TTF2: variants seen among roughly 807,000 people sequenced by gnomAD.
TTF2 encodes the protein transcription termination factor 2, also known as RNA polymerase II termination factor.
A neutral mutation model predicts 142.4 loss-of-function variants in TTF2; 108 were observed. The ratio of observed to expected loss-of-function variants is 0.76; its 90% CI spans 0.65 to 0.89. The LOEUF (loss-of-function observed/expected upper bound fraction) is 0.89. Ranked by LOEUF, TTF2 falls within the 40% of genes least tolerant of loss-of-function variation. The pLI is 0.00. For synonymous variants in TTF2, 483 were observed against 506.2 expected (o/e 0.95, Z 0.61); for missense variants, 1,327 against 1,379.8 (o/e 0.96, Z 0.61).
In TTF2 at chr1:117,086,347, TC is replaced by T. The variant is rs1648009093; in HGVS notation, c.2055-69del. The T allele has an allele frequency of 2.6e-6, 3 of 1,149,118 alleles. No individual in the cohort carries two copies. The highest frequency in any genetic ancestry group is 3.9e-6 in the Non-Finnish European group (3 of 772,554). 71.2% of individuals were successfully genotyped at this position (1,149,118 alleles called of 1,614,324 possible). A position where few individuals can be genotyped will look rare whatever the true frequency, so the allele number is the denominator to read the frequency against. On this transcript the variant is annotated intron_variant, in intron 11 of 22. Coordinates refer to ENST00000369466, the MANE Select transcript of TTF2 (RefSeq NM_003594.4). This position sits in a 1 kb window ranked among gnomAD's most constrained non-coding sequence, Gnocchi z 4.2. Reference sequence around the variant, plus strand: ...ATTTGTAGGCATTTTTATTGAAAGATCAACTCTGCCTCTCTCATTGTCCCTC... The same window carrying T: ...ATTTGTAGGCATTTTTATTGAAAGATAACTCTGCCTCTCTCATTGTCCCTC...
chr1:117,060,779 C>T (rs903918986), intron 2 of TTF2, among the ~76,000 whole-genome samples: 3 of 152,220 alleles, frequency 2.0e-5, no homozygotes, highest in African/African-American at 7.2e-5. Flanking sequence ...ACCCCCCTCT[C>T]TGGGCCGATG....
rs1195744617 is a variant in TTF2 at position 117,075,149 on chromosome 1, T to A, written c.565T>A (p.Ser189Thr). 1.2e-6 allele frequency: 2 copies of A among 1,613,920 alleles called. No homozygotes were observed. Among genetic ancestry groups the A allele is most frequent in the Non-Finnish European group, 1.7e-6 (2 of 1,179,984 alleles). The change falls in exon 5 of 23, where the codon TCT becomes ACT. Residue 189 changes from serine (S) to threonine (T), a missense_variant. Coordinates refer to ENST00000369466, the MANE Select transcript of TTF2 (RefSeq NM_003594.4). This position sits in a 1 kb window ranked among gnomAD's most constrained non-coding sequence, Gnocchi z 4.5. Reference protein sequence around the residue: ...SSGLVPKKKQSVVQEKKQEEG... With the variant: ...SSGLVPKKKQTVVQEKKQEEG... The stretch of plus-strand genomic sequence containing the variant: ...TGGCCTGGTACCAAAGAAAAAACAA[T>A]CTGTAGTTCAAGAGAAGAAGCAAGA...
At chr1:117,062,338 A>G (rs1655746620) in intron 2 of TTF2, 49 bp from the exon 3 acceptor site, 1 of 1,558,370 alleles carries the variant, frequency 6.4e-7, no homozygotes, top group Non-Finnish European at 8.8e-7. Context: ...TAGGATATTG[A>G]TCTCTGTTCC....
rs1441362026 is a variant in TTF2, at chr1:117,100,959, C to T, written c.3345-421C>T. On this transcript the variant is annotated intron_variant, in intron 22 of 22. Transcript: ENST00000369466. This position sits in a 1 kb window ranked among gnomAD's most constrained non-coding sequence, Gnocchi z 4.6. ...ATGAGTGAATGAATGACAACAGTGC[C>T]ATTTACTTGGTTTGAAAACCCTGTT... 1.3e-5 allele frequency among the ~76,000 whole-genome samples: 2 copies of T among 152,140 alleles called. No individual in the cohort carries two copies. Among genetic ancestry groups the T allele is most frequent in the Non-Finnish European group, 2.9e-5 (2 of 68,040 alleles).
At chr1:117,091,266 A>G (rs1648551177) in intron 15 of TTF2, 62 bp from the exon 16 acceptor site, 1 of 1,399,676 alleles carries the variant, frequency 7.1e-7, no homozygotes, top group Non-Finnish European at 9.7e-7. Context: ...CACTGCAGGC[A>G]CAGTTAAGCA....
At position 117,101,505 on chromosome 1, in the gene TTF2, G is replaced by A. The variant is rs755262370; in HGVS notation, c.3470G>A (p.Arg1157Lys). 19 of 1,593,940 alleles carry A rather than the reference G, an allele frequency of 1.2e-5. No homozygotes were observed. The highest frequency in any genetic ancestry group is 3.3e-4 in the Middle Eastern group (2 of 5,976). ...ACCAAGCTCACCTTGGCTGACCTCA[G>A]AGTCCTTTTTGGCATCTAACCTCCT... ...SVTKLTLADL[R>K]VLFGI The change falls in exon 23 of 23, where the codon AGA becomes AAA. Residue 1157 changes from arginine (R) to lysine (K), a missense_variant. Arg to Lys is a conservative substitution (Grantham distance 26, BLOSUM62 2). Coordinates refer to ENST00000369466, the MANE Select transcript of TTF2 (RefSeq NM_003594.4). This position sits in a 1 kb window ranked among gnomAD's most constrained non-coding sequence, Gnocchi z 5.9.
At chr1:117,094,594 A>G (rs1196885388) in intron 18 of TTF2, 1 of 472,268 alleles carries the variant, frequency 2.1e-6, no homozygotes, top group Non-Finnish European at 4.4e-6. Flanking sequence ...CAACATTTGG[A>G]GCAGGCCATA....
chr1:117,096,077 G>A (rs1348232577), intron 19 of TTF2, 72 bp from the exon 20 acceptor site: 3 of 1,538,408 alleles, frequency 2.0e-6, no homozygotes, highest in Non-Finnish European at 2.7e-6. Context: ...GAATGATGAG[G>A]GCATTAAAGC....
Position 117,099,543 on chromosome 1 carries a change from A to G in TTF2, c.3344+636A>G, listed in dbSNP as rs982663566. 3.4e-4 allele frequency among the ~76,000 whole-genome samples: 52 copies of G among 152,208 alleles called. No homozygotes were observed. Among genetic ancestry groups the G allele is most frequent in the African/African-American group, 1.2e-3 (49 of 41,456 alleles). On this transcript the variant is annotated intron_variant, in intron 22 of 22. Coordinates refer to ENST00000369466, the MANE Select transcript of TTF2 (RefSeq NM_003594.4). The surrounding 1 kb of genome is among the most constrained non-coding windows in gnomAD (Gnocchi z 4.3). The stretch of plus-strand genomic sequence containing the variant: ...ATAAGTTTGTCTCCTTTGATCTGGA[A>G]CAGTACCCAGTCTTTGTGTTTTATG...
intron 12 of TTF2, 43 bp from the exon 13 acceptor site, chr1:117,088,758 A>G (rs759334171): frequency 1.0e-5 from 16 of 1,597,496 alleles, no homozygotes; most frequent in South Asian, 2.3e-5. Context: ...GGACATGTAC[A>G]TTTTCCCATA....
At chr1:117,066,725 C>CA (rs1387307803) in intron 3 of TTF2, among the ~76,000 whole-genome samples, 27 of 122,934 alleles carry the variant, frequency 2.2e-4, no homozygotes, top group Admixed American at 7.5e-4. Context: ...TTTTAAAAGA[C>CA]AGAGTCTTGC....
chr1:117,089,135 T>G (rs2101119156), intron 13 of TTF2, among the ~76,000 whole-genome samples, 153 bp downstream of exon 13: 1 of 149,834 alleles, frequency 6.7e-6, no homozygotes, highest in Non-Finnish European at 1.5e-5. Context: ...AGAATAAATA[T>G]TTATGAGAAA....
At chr1:117,067,304 G>A (rs941578236) in intron 3 of TTF2, among the ~76,000 whole-genome samples, 2 of 152,024 alleles carry the variant, frequency 1.3e-5, no homozygotes, top group African/African-American at 2.4e-5. Flanking sequence ...GGCCAAGGCC[G>A]GCGGATCACT....
rs772743484 is a variant in TTF2 at position 117,090,027 on chromosome 1, T to C, written c.2343-28T>C. 2 of 1,608,110 alleles carry C rather than the reference T, an allele frequency of 1.2e-6. No individual in the cohort carries two copies. Among genetic ancestry groups the C allele is most frequent in the South Asian group, 2.2e-5 (2 of 90,080 alleles). On this transcript the variant is annotated intron_variant, in intron 13 of 22. Coordinates refer to ENST00000369466, the MANE Select transcript of TTF2 (RefSeq NM_003594.4). This position sits in a 1 kb window ranked among gnomAD's most constrained non-coding sequence, Gnocchi z 4.8. ...TTCTCCCTGACTTTTCCTTCCCTAC[T>C]CTGTGCCCTTCTTCCTCAACAAAAA...
In TTF2 at chr1:117,066,341, C is replaced by T. The variant is rs190907670; in HGVS notation, c.218+3868C>T. 2.6e-5 allele frequency among the ~76,000 whole-genome samples: 4 copies of T among 152,192 alleles called. No individual in the cohort carries two copies. In the East Asian group the frequency reaches 7.7e-4, roughly 29 times the overall value. ...TTCTCTTAAGTGAGAGGTGATGGGC[C>T]TGAATTGAAGTAGCAGCAGTGGAAT... is the stretch of plus-strand genomic sequence containing the variant. On this transcript the variant is annotated intron_variant, in intron 3 of 22. Coordinates refer to ENST00000369466, the MANE Select transcript of TTF2 (RefSeq NM_003594.4).
intron 7 of TTF2, among the ~76,000 whole-genome samples, 160 bp from the exon 8 acceptor site, chr1:117,077,756 G>T (rs1657132482): frequency 6.6e-6 from 1 of 152,200 alleles, no homozygotes; most frequent in African/African-American, 2.4e-5. Flanking sequence ...AAAGCCACTT[G>T]TTTCCCAACT....
At position 117,093,755 on chromosome 1, in the gene TTF2, T is replaced by C. The variant is rs1269877012; in HGVS notation, c.2976+854T>C. ...TGCTAGTGCCTTCAGAGTGAGCTATTGGGCTAAAATTTAAATTCCTAATCA... is the reference window on the plus strand; with the variant it reads ...TGCTAGTGCCTTCAGAGTGAGCTATCGGGCTAAAATTTAAATTCCTAATCA... On this transcript the variant is annotated intron_variant, in intron 18 of 22. Coordinates refer to ENST00000369466, the MANE Select transcript of TTF2 (RefSeq NM_003594.4). The surrounding 1 kb of genome is among the most constrained non-coding windows in gnomAD (Gnocchi z 4.5). 3.3e-5 allele frequency among the ~76,000 whole-genome samples: 5 copies of C among 152,212 alleles called. No homozygotes were observed. The highest frequency in any genetic ancestry group is 1.2e-4 in the African/African-American group (5 of 41,454).
intron 20 of TTF2, among the ~76,000 whole-genome samples, 197 bp downstream of exon 20, chr1:117,096,496 G>C (rs1215000749): frequency 6.6e-6 from 1 of 152,154 alleles, no homozygotes; most frequent in Non-Finnish European, 1.5e-5. Context: ...TCCTGCCTCA[G>C]CCTTTCAAGT....
At chr1:117,078,178 C>T in intron 8 of TTF2, 135 bp downstream of exon 8, 2 of 1,143,930 alleles carry the variant, frequency 1.7e-6, no homozygotes, top group East Asian at 2.6e-5. Context: ...GCAGCATCCT[C>T]TCCTTTTATG....
Sources: gnomAD v4.1 joint callset for allele counts (sites outside exome capture counted in the v4.1 genomes callset) on GRCh38, gnomAD v4.1.1 for gene constraint, Gnocchi (gnomAD v3.1) non-coding constraint, MANE v1.5 for transcripts, NCBI Gene and HGNC (gene_info 2026-07-23, HGNC 2026-07-21) for gene names.